CCSER1: variants seen among roughly 807,000 people sequenced by gnomAD.
CCSER1 encodes coiled-coil serine rich protein 1.
In CCSER1, 41 loss-of-function variants were observed where a neutral mutation model predicts 82.0. The observed-to-expected ratio is 0.50, with a 90% CI of 0.39 to 0.65. The LOEUF (loss-of-function observed/expected upper bound fraction) is 0.65, where lower values mean the gene tolerates loss of function less well. CCSER1 is among the 30% of genes least tolerant of loss of function. CCSER1 has a pLI of 0.00. For synonymous variants in CCSER1, 414 were observed against 383.9 expected, an observed-to-expected ratio of 1.08 and a Z score of -0.92; for missense variants, 1,119 against 1,064.2, an observed-to-expected ratio of 1.05 and a Z score of -0.72.
chr4:91,454,576 T>C (rs1246580554), intron 10 of CCSER1, among the ~76,000 whole-genome samples: 6 of 151,932 alleles, frequency 3.9e-5, no homozygotes, highest in Non-Finnish European at 8.8e-5. Flanking sequence ...TTTACAGGTG[T>C]TAGGGATTAA....
intron 10 of CCSER1, among the ~76,000 whole-genome samples, chr4:91,466,731 T>A (rs1221741144): frequency 6.6e-6 from 1 of 152,046 alleles, no homozygotes; most frequent in Non-Finnish European, 1.5e-5. Context: ...GAGAGCCAAA[T>A]CATAAGTGAA....
intron 8 of CCSER1, among the ~76,000 whole-genome samples, chr4:90,919,870 G>C (rs1395690017): frequency 2.0e-5 from 3 of 151,726 alleles, no homozygotes; most frequent in Admixed American, 1.3e-4. Flanking sequence ...TAATATGCTA[G>C]CCTTTTTTGC....
intron 10 of CCSER1, among the ~76,000 whole-genome samples, chr4:91,271,639 T>A (rs1742032951): frequency 6.6e-6 from 1 of 152,118 alleles, no homozygotes; most frequent in Admixed American, 6.6e-5. Context: ...TATTCCATCA[T>A]ATATATGATA....
At chr4:90,586,823 A>G (rs746303888) in intron 5 of CCSER1, among the ~76,000 whole-genome samples, 2 of 152,258 alleles carry the variant, frequency 1.3e-5, no homozygotes, top group Non-Finnish European at 2.9e-5. Context: ...CCTTATCAGC[A>G]ATGCTGATAT....
At chr4:90,967,776 C>T (rs1028105870) in intron 9 of CCSER1, among the ~76,000 whole-genome samples, 5 of 152,000 alleles carry the variant, frequency 3.3e-5, no homozygotes, top group East Asian at 1.9e-4. Context: ...AGCCCTTATT[C>T]CACCCTAAGA....
At chr4:90,628,344 T>C (rs997568061) in intron 6 of CCSER1, 112 bp downstream of exon 6, 1 of 751,972 alleles carries the variant, frequency 1.3e-6, no homozygotes, top group South Asian at 1.8e-5. Context: ...TGGGCAGGGG[T>C]CAGGTTTCCT....
intron 10 of CCSER1, among the ~76,000 whole-genome samples, chr4:91,431,166 G>A (rs551133699): frequency 1.3e-5 from 2 of 152,274 alleles, no homozygotes; most frequent in East Asian, 3.9e-4. Flanking sequence ...AACCCGGGAG[G>A]CGGAACTTAG....
intron 10 of CCSER1, among the ~76,000 whole-genome samples, chr4:91,158,369 A>G (rs147228287): frequency 1.3e-5 from 2 of 152,136 alleles, no homozygotes; most frequent in African/African-American, 4.8e-5. Context: ...GAAAAGGATT[A>G]TAGCCCTGGA....
chr4:90,809,645 A>G (rs556006713), intron 7 of CCSER1, among the ~76,000 whole-genome samples: 41 of 152,238 alleles, frequency 2.7e-4, no homozygotes, highest in African/African-American at 6.0e-4. Flanking sequence ...CAATTCATCC[A>G]TGTAACCAAA....
intron 5 of CCSER1, among the ~76,000 whole-genome samples, chr4:90,616,497 A>G (rs1246533522): frequency 1.3e-5 from 2 of 152,182 alleles, no homozygotes; most frequent in African/African-American, 2.4e-5. Context: ...AGCCTGGCCA[A>G]CAGAGTGAAA....
intron 4 of CCSER1, among the ~76,000 whole-genome samples, chr4:90,435,631 T>G (rs1035949857): frequency 6.6e-6 from 1 of 152,122 alleles, no homozygotes; most frequent in Non-Finnish European, 1.5e-5. Context: ...TGTAAGAGGT[T>G]GGGAGACATT....
chr4:90,179,889 CT>C (rs1433572411), intron 1 of CCSER1, among the ~76,000 whole-genome samples: 3 of 152,044 alleles, frequency 2.0e-5, no homozygotes, highest in Non-Finnish European at 4.4e-5. Context: ...GGATTTGGAA[CT>C]TTCATGGTTT....
intron 7 of CCSER1, among the ~76,000 whole-genome samples, chr4:90,794,649 C>CT (rs533896740): frequency 6.6e-4 from 100 of 151,742 alleles, no homozygotes; most frequent in African/African-American, 2.3e-3. Context: ...TTCAGGCGTT[C>CT]TTTTTTTTCC....
chr4:91,286,597 T>C (rs183029629), intron 10 of CCSER1, among the ~76,000 whole-genome samples: 1 of 151,996 alleles, frequency 6.6e-6, no homozygotes, highest in Admixed American at 6.6e-5. Flanking sequence ...ATCTTTAACA[T>C]TTGGATAAAA....
At chr4:90,692,133 T>G (rs1736124485) in intron 6 of CCSER1, among the ~76,000 whole-genome samples, 1 of 151,038 alleles carries the variant, frequency 6.6e-6, no homozygotes, top group Admixed American at 6.6e-5. Context: ...TATGAAGGTA[T>G]TTCTCATTCA....
At chr4:90,886,117 T>C (rs1722084241) in intron 8 of CCSER1, among the ~76,000 whole-genome samples, 1 of 152,138 alleles carries the variant, frequency 6.6e-6, no homozygotes, top group Non-Finnish European at 1.5e-5. Flanking sequence ...TGTTGGCTGC[T>C]GGTACAACAG....
chr4:91,266,441 C>T (rs957031359), intron 10 of CCSER1, among the ~76,000 whole-genome samples: 9 of 151,804 alleles, frequency 5.9e-5, no homozygotes, highest in South Asian at 2.1e-4. Context: ...TTAGTAGAGA[C>T]GGGGTTTCAC....
intron 10 of CCSER1, among the ~76,000 whole-genome samples, chr4:91,097,375 T>C (rs768018115): frequency 2.6e-5 from 4 of 152,178 alleles, no homozygotes; most frequent in Non-Finnish European, 5.9e-5. Flanking sequence ...ATAGAGGCTA[T>C]GCAAATGAAG....
chr4:90,456,102 G>A (rs1762130966), intron 4 of CCSER1, among the ~76,000 whole-genome samples: 1 of 152,126 alleles, frequency 6.6e-6, no homozygotes, highest in South Asian at 2.1e-4. Flanking sequence ...GGAAAGAAAG[G>A]GAGTCCTGGG....
Sources: allele counts gnomAD v4.1 joint callset (sites outside exome capture counted in the v4.1 genomes callset), GRCh38; gene constraint gnomAD v4.1.1; transcripts MANE v1.5; gene names NCBI Gene and HGNC (gene_info 2026-07-23, HGNC 2026-07-21).